TBL1XR1: variants seen among roughly 807,000 people sequenced by gnomAD.
The protein encoded by TBL1XR1 is TBL1X/Y related 1, also known as F-box-like/WD repeat-containing protein TBL1XR1.
TBL1XR1 carries 5 observed loss-of-function variants against 66.9 expected under a neutral mutation model. The ratio of observed to expected loss-of-function variants is 0.07; its 90% CI spans 0.04 to 0.16. The LOEUF (loss-of-function observed/expected upper bound fraction) is 0.16, where lower values mean the gene tolerates loss of function less well. TBL1XR1 is among the 10% of genes least tolerant of loss of function. The pLI, the probability that TBL1XR1 is intolerant of heterozygous loss-of-function variation, is 1.00. For synonymous variants in TBL1XR1, 210 were observed against 206.0 expected (o/e 1.02, Z -0.17); for missense variants, 238 against 623.2 (o/e 0.38, Z 6.58).
At chr3:177,171,680 GC>G (rs1188220495) in intron 1 of TBL1XR1, among the ~76,000 whole-genome samples, 1 of 113,410 alleles carries the variant, frequency 8.8e-6, no homozygotes, top group Non-Finnish European at 1.6e-5. Context: ...TCCAGCCTGG[GC>G]AACAGAGCCA....
At chr3:177,076,460 AT>A (rs1238545633) in intron 2 of TBL1XR1, among the ~76,000 whole-genome samples, 1 of 152,208 alleles carries the variant, frequency 6.6e-6, no homozygotes, top group African/African-American at 2.4e-5. Flanking sequence ...TAACTTAAGT[AT>A]CTCTATAAGG....
At chr3:177,105,611 T>C (rs191732180) in intron 1 of TBL1XR1, among the ~76,000 whole-genome samples, 12 of 152,318 alleles carry the variant, frequency 7.9e-5, no homozygotes, top group East Asian at 3.9e-4. Flanking sequence ...ACATTTCCAA[T>C]AGAAATGAGA....
chr3:177,182,740 T>G (rs1391036486), intron 1 of TBL1XR1, among the ~76,000 whole-genome samples: 1 of 151,798 alleles, frequency 6.6e-6, no homozygotes, highest in Non-Finnish European at 1.5e-5. Flanking sequence ...GGCAAGGATG[T>G]TAATTTAAGA....
chr3:177,051,987 GATA>G (rs1327114417), intron 4 of TBL1XR1, among the ~76,000 whole-genome samples: 1 of 152,108 alleles, frequency 6.6e-6, no homozygotes, highest in African/African-American at 2.4e-5. Flanking sequence ...AAATGAAAGA[GATA>G]ATAAGATGTA....
At chr3:177,072,470 C>CAAAAAAAAA in intron 2 of TBL1XR1, among the ~76,000 whole-genome samples, 1 of 128,898 alleles carries the variant, frequency 7.8e-6, no homozygotes, top group Non-Finnish European at 1.7e-5. Flanking sequence ...ACTATGCACT[C>CAAAAAAAAA]AAAAAAAAAA....
intron 1 of TBL1XR1, among the ~76,000 whole-genome samples, chr3:177,189,127 G>A (rs1735799920): frequency 6.6e-6 from 1 of 152,038 alleles, no homozygotes. Flanking sequence ...AGAATCGCTT[G>A]AACCCAGGAG....
At chr3:177,047,458 A>G (rs1716476276) in intron 8 of TBL1XR1, 28 bp downstream of exon 8, 1 of 1,609,550 alleles carries the variant, frequency 6.2e-7, no homozygotes, top group Non-Finnish European at 8.5e-7. Flanking sequence ...GATCAACAAC[A>G]AAGTAAAAAG....
intron 2 of TBL1XR1, among the ~76,000 whole-genome samples, chr3:177,067,004 A>T (rs1269578143): frequency 1.3e-5 from 2 of 152,216 alleles, no homozygotes; most frequent in Non-Finnish European, 2.9e-5. Flanking sequence ...TCTTTTGAGG[A>T]TACTGGCCCA....
chr3:177,197,738 T>C (rs1737092467), upstream of TBL1XR1, among the ~76,000 whole-genome samples: 1 of 145,742 alleles, frequency 6.9e-6, no homozygotes, highest in Non-Finnish European at 1.5e-5. Flanking sequence ...CGCGCTCCTC[T>C]CCTTCCCGGC....
chr3:177,038,663 T>C (rs1299172117), intron 10 of TBL1XR1, among the ~76,000 whole-genome samples: 2 of 152,204 alleles, frequency 1.3e-5, no homozygotes, highest in Non-Finnish European at 1.5e-5. Flanking sequence ...TAAGAGAAAG[T>C]ACACTGGCCT....
chr3:177,129,152 CA>C (rs1371251664), intron 1 of TBL1XR1, among the ~76,000 whole-genome samples: 1 of 152,028 alleles, frequency 6.6e-6, no homozygotes, highest in Non-Finnish European at 1.5e-5. Flanking sequence ...GGTAAATGGC[CA>C]CAAAAAATTG....
chr3:177,195,717 G>A (rs866032255), intron 1 of TBL1XR1: 3 of 151,980 alleles, frequency 2.0e-5, no homozygotes, highest in Non-Finnish European at 2.9e-5. Context: ...GTGGGGGGTA[G>A]AGCAACCATT....
intron 1 of TBL1XR1, among the ~76,000 whole-genome samples, chr3:177,138,377 T>C (rs974113049): frequency 3.3e-5 from 5 of 152,128 alleles, no homozygotes; most frequent in African/African-American, 1.2e-4. Flanking sequence ...GGAGAACTGA[T>C]TGAGCCCAGG....
chr3:177,174,408 CAAAAAAAAAA>C (rs59132617), intron 1 of TBL1XR1, among the ~76,000 whole-genome samples: 9 of 58,304 alleles, frequency 1.5e-4, no homozygotes, highest in African/African-American at 3.3e-4. Context: ...GACTCCATCT[CAAAAAAAAAA>C]AAAAAAAAAA....
At chr3:177,029,447 C>T (rs1312118216) in intron 14 of TBL1XR1, among the ~76,000 whole-genome samples, 2 of 152,028 alleles carry the variant, frequency 1.3e-5, no homozygotes, top group African/African-American at 2.4e-5. Flanking sequence ...TGGCAAAACC[C>T]GGTCTCTACA....
rs1712786573 is a variant in TBL1XR1, at chr3:177,024,363, CAT to C, written c.*1133_*1134del. The C allele has an allele frequency of 6.6e-6, 1 of 152,010 alleles. No homozygotes were observed. The highest frequency in any genetic ancestry group is 2.1e-4 in the South Asian group (1 of 4,836). 9.4% of individuals were successfully genotyped at this position (152,010 alleles called of 1,614,324 possible). A position where few individuals can be genotyped will look rare whatever the true frequency, so the allele number is the denominator to read the frequency against. ...ATCTTGCTTTGTATAAAGAAAACAA[CAT>C]GAGAGATTTTTAATACTGGAGTTTG... On this transcript the variant is annotated 3_prime_UTR_variant, in exon 16 of 16. Transcript: ENST00000457928.
chr3:177,181,188 T>C (rs1487608479), intron 1 of TBL1XR1, among the ~76,000 whole-genome samples: 3 of 152,126 alleles, frequency 2.0e-5, no homozygotes, highest in East Asian at 1.9e-4. Flanking sequence ...TCGCAACTCA[T>C]TGTCATTAAA....
At chr3:177,129,663 TTAATG>T (rs1407283827) in intron 1 of TBL1XR1, among the ~76,000 whole-genome samples, 1 of 152,188 alleles carries the variant, frequency 6.6e-6, no homozygotes, top group Non-Finnish European at 1.5e-5. Flanking sequence ...TCTGTACCTT[TTAATG>T]TATTCTGCAT....
intron 2 of TBL1XR1, among the ~76,000 whole-genome samples, chr3:177,069,377 T>G (rs1216490844): frequency 6.6e-6 from 1 of 152,088 alleles, no homozygotes; most frequent in East Asian, 1.9e-4. Flanking sequence ...CAGTACCTAC[T>G]GCACATGATG....
Sources: gnomAD v4.1 joint callset for allele counts (sites outside exome capture counted in the v4.1 genomes callset) on GRCh38, gnomAD v4.1.1 for gene constraint, MANE v1.5 for transcripts, NCBI Gene and HGNC (gene_info 2026-07-23, HGNC 2026-07-21) for gene names.